Variants in TMEM117 observed in about 807,000 individuals in gnomAD.
TMEM117 encodes the protein transmembrane protein 117.
A neutral mutation model predicts 52.4 loss-of-function variants in TMEM117; 27 were observed. That is an observed-to-expected ratio of 0.51 (90% confidence interval 0.38 to 0.71). The LOEUF (loss-of-function observed/expected upper bound fraction) is 0.71. Ranked by LOEUF, TMEM117 falls within the 30% of genes least tolerant of loss-of-function variation. The pLI is 0.00. For synonymous variants in TMEM117, 215 were observed against 206.3 expected (o/e 1.04, Z -0.36); for missense variants, 556 against 630.5 (o/e 0.88, Z 1.26).
intron 6 of TMEM117, among the ~76,000 whole-genome samples, chr12:44,317,002 C>CTTTTT (rs1202276425): frequency 4.1e-5 from 5 of 121,524 alleles, no homozygotes; most frequent in East Asian, 2.4e-4. Flanking sequence ...TTTTCTTTTT[C>CTTTTT]TTTTTTTTTT....
intron 4 of TMEM117, among the ~76,000 whole-genome samples, chr12:44,194,889 A>G (rs1189288276): frequency 6.6e-6 from 1 of 152,204 alleles, no homozygotes; most frequent in Non-Finnish European, 1.5e-5. Flanking sequence ...ACAGGAGCAT[A>G]TAAAATGAAG....
chr12:44,297,425 G>C (rs1950782538), intron 5 of TMEM117, among the ~76,000 whole-genome samples: 1 of 152,152 alleles, frequency 6.6e-6, no homozygotes, highest in Non-Finnish European at 1.5e-5. Context: ...GAGTACCCTT[G>C]TTTCACCAGA....
At chr12:43,995,203 G>A (rs568616529) in intron 3 of TMEM117, among the ~76,000 whole-genome samples, 13 of 151,786 alleles carry the variant, frequency 8.6e-5, no homozygotes, top group Admixed American at 7.2e-4. Flanking sequence ...CCCGGGAGGC[G>A]GAGCTTGCAG....
upstream of TMEM117, among the ~76,000 whole-genome samples, chr12:43,832,910 A>G (rs899041542): frequency 1.3e-5 from 2 of 152,200 alleles, no homozygotes; most frequent in African/African-American, 2.4e-5. Flanking sequence ...TAAGCCTTCA[A>G]TAAGTTGAGC....
intron 3 of TMEM117, among the ~76,000 whole-genome samples, chr12:43,991,470 T>TATCTATCC (rs2137750578): frequency 6.7e-6 from 1 of 148,858 alleles, no homozygotes; most frequent in African/African-American, 2.4e-5. Flanking sequence ...TCTATCTATC[T>TATCTATCC]ATCTAATCTA....
At chr12:43,984,174 C>A (rs540534672) in intron 3 of TMEM117, among the ~76,000 whole-genome samples, 1 of 152,166 alleles carries the variant, frequency 6.6e-6, no homozygotes, top group South Asian at 2.1e-4. Context: ...TTGAGGCCAG[C>A]CTGGCCAACA....
At chr12:43,891,165 C>T (rs991829267) in intron 2 of TMEM117, among the ~76,000 whole-genome samples, 1 of 151,780 alleles carries the variant, frequency 6.6e-6, no homozygotes, top group African/African-American at 2.4e-5. Context: ...AAAATAATGG[C>T]CCTTCCTTTT....
chr12:44,238,453 A>G lies in TMEM117; in HGVS notation c.608+27066A>G, dbSNP rs1207025300. ...TTTACTAAATCGAGGGATTTTATAC[A>G]TATATCGCTATGAAAAAACTCAACC... On this transcript the variant is annotated intron_variant, in intron 5 of 7. Transcript: ENST00000266534. Among the ~76,000 whole-genome samples, 7 of 152,200 alleles carry G rather than the reference A, an allele frequency of 4.6e-5. No homozygotes were observed. The East Asian group carries it at 9.7e-4, about 21-fold the overall frequency.
chr12:43,797,436 T>C, the TMEM117 span: 1 of 1,592,428 alleles, frequency 6.3e-7, no homozygotes, highest in Non-Finnish European at 8.6e-7. Context: ...TATAATTTCA[T>C]TTTTTATATC....
intron 2 of TMEM117, among the ~76,000 whole-genome samples, chr12:43,907,971 A>T (rs376806990): frequency 1.4e-5 from 1 of 73,960 alleles, no homozygotes; most frequent in African/African-American, 2.9e-5. Flanking sequence ...GCAGGCCAAC[A>T]TTCAGATTCA....
At chr12:44,223,636 A>C (rs1949820004) in intron 5 of TMEM117, among the ~76,000 whole-genome samples, 1 of 152,186 alleles carries the variant, frequency 6.6e-6, no homozygotes, top group Non-Finnish European at 1.5e-5. Context: ...TCCTAAGAAT[A>C]GGCTGCTCAC....
At chr12:44,261,652 G>A (rs1950322016) in intron 5 of TMEM117, among the ~76,000 whole-genome samples, 1 of 152,128 alleles carries the variant, frequency 6.6e-6, no homozygotes. Flanking sequence ...TAGATGGAAG[G>A]TACGATGGTG....
chr12:43,838,913 CT>C (rs923780474), intron 1 of TMEM117, among the ~76,000 whole-genome samples: 10 of 152,024 alleles, frequency 6.6e-5, no homozygotes, highest in Non-Finnish European at 1.2e-4. Context: ...AGCCCAACCC[CT>C]AAAAGCACTA....
intron 3 of TMEM117, among the ~76,000 whole-genome samples, chr12:44,120,653 TG>T (rs1170905664): frequency 2.0e-5 from 3 of 152,208 alleles, no homozygotes; most frequent in Non-Finnish European, 4.4e-5. Flanking sequence ...TCCCTAGATT[TG>T]GTGATTTGAC....
chr12:44,203,501 G>T (rs184479645), intron 4 of TMEM117, among the ~76,000 whole-genome samples: 143 of 152,066 alleles, frequency 9.4e-4, no homozygotes, highest in Non-Finnish European at 1.6e-3. Context: ...CTAGCTTTGG[G>T]GTTGGTTTGC....
chr12:44,361,443 AT>A (rs1285316051), intron 6 of TMEM117, among the ~76,000 whole-genome samples: 1 of 152,170 alleles, frequency 6.6e-6, no homozygotes, highest in African/African-American at 2.4e-5. Context: ...TCCTGTAAGT[AT>A]TGTTTAACTT....
intron 6 of TMEM117, among the ~76,000 whole-genome samples, chr12:44,320,649 C>T (rs1398488906): frequency 6.6e-6 from 1 of 152,196 alleles, no homozygotes; most frequent in Non-Finnish European, 1.5e-5. Flanking sequence ...GGGCATCTCC[C>T]CAGTGTGCGT....
intron 4 of TMEM117, among the ~76,000 whole-genome samples, chr12:44,203,405 CT>C (rs1266590994): frequency 5.3e-5 from 8 of 152,078 alleles, no homozygotes; most frequent in Non-Finnish European, 1.0e-4. Flanking sequence ...GAAGAACCAA[CT>C]TTTTGTTTCG....
intron 3 of TMEM117, among the ~76,000 whole-genome samples, chr12:44,073,101 A>C (rs1036793619): frequency 6.6e-6 from 1 of 151,588 alleles, no homozygotes; most frequent in African/African-American, 2.4e-5. Context: ...CCAAAAAAAA[A>C]AACAACAAAA....
Sources: gnomAD v4.1 joint callset for allele counts (sites outside exome capture counted in the v4.1 genomes callset) on GRCh38, gnomAD v4.1.1 for gene constraint, MANE v1.5 for transcripts, NCBI Gene and HGNC (gene_info 2026-07-23, HGNC 2026-07-21) for gene names.